GABRB2: variants seen among roughly 807,000 people sequenced by gnomAD.
The protein encoded by GABRB2 is gamma-aminobutyric acid receptor subunit beta-2.
Under a neutral mutation model 54.7 loss-of-function variants are expected in GABRB2, and 16 were observed. The observed-to-expected ratio is 0.29, with a 90% CI of 0.20 to 0.44. The LOEUF is 0.44. GABRB2 is among the 20% of genes least tolerant of loss of function. The pLI is 1.00. For missense variants in GABRB2, 355 were observed against 644.0 expected, an observed-to-expected ratio of 0.55 and a Z score of 4.86; for synonymous variants, 244 against 233.8, an observed-to-expected ratio of 1.04 and a Z score of -0.40.
At chr5:161,481,478 C>T (rs1313252681) in intron 3 of GABRB2, among the ~76,000 whole-genome samples, 1 of 151,980 alleles carries the variant, frequency 6.6e-6, no homozygotes, top group Non-Finnish European at 1.5e-5. Context: ...TTTCTGACTT[C>T]CCCAAAGTGA....
chr5:161,445,975 C>T (rs1757604287), intron 4 of GABRB2, among the ~76,000 whole-genome samples: 1 of 152,130 alleles, frequency 6.6e-6, no homozygotes, highest in African/African-American at 2.4e-5. Flanking sequence ...TTGACAAAAT[C>T]ATCAATACCA....
intron 3 of GABRB2, among the ~76,000 whole-genome samples, chr5:161,463,973 T>C (rs1758205014): frequency 1.3e-5 from 2 of 151,950 alleles, no homozygotes; most frequent in African/African-American, 4.8e-5. Context: ...TCGACTTAAG[T>C]GTAAAATGTA....
At position 161,438,563 on chromosome 5, in the gene GABRB2, A is replaced by ATTT. The variant is rs1757375052; in HGVS notation, c.458+21060_458+21061insAAA. On this transcript the variant is annotated intron_variant, in intron 4 of 9. Transcript: ENST00000393959. ...CCAAATGAATGAAATAAGTCACCAG[A>ATTT]CACCAATCCTGGAGAAAGAGAGATG... 5.3e-5 allele frequency among the ~76,000 whole-genome samples: 8 copies of ATTT among 152,154 alleles called. 1 individual carries two copies. Among genetic ancestry groups the ATTT allele is most frequent in the Admixed American group, 5.2e-4 (8 of 15,278 alleles).
chr5:161,314,651 A>T (rs1757971210), intron 9 of GABRB2, among the ~76,000 whole-genome samples: 1 of 152,112 alleles, frequency 6.6e-6, no homozygotes, highest in South Asian at 2.1e-4. Flanking sequence ...AAAGCTGTTC[A>T]TGGAAAACAG....
At chr5:161,534,467 A>G (rs909021056) in intron 3 of GABRB2, among the ~76,000 whole-genome samples, 2 of 152,192 alleles carry the variant, frequency 1.3e-5, no homozygotes, top group Admixed American at 1.3e-4. Flanking sequence ...TGAATATTTA[A>G]TCCTCTCGGG....
At chr5:161,394,627 G>A (rs935302507) in intron 5 of GABRB2, among the ~76,000 whole-genome samples, 1 of 151,998 alleles carries the variant, frequency 6.6e-6, no homozygotes, top group East Asian at 1.9e-4. Context: ...GAACTAAAAT[G>A]TACTAAACTA....
chr5:161,536,477 C>A (rs1445090290), intron 3 of GABRB2, among the ~76,000 whole-genome samples: 2 of 152,150 alleles, frequency 1.3e-5, no homozygotes, highest in Non-Finnish European at 2.9e-5. Flanking sequence ...ATTTTAACCT[C>A]CTCTGATTTC....
chr5:161,356,101 G>A (rs937688278), intron 5 of GABRB2, among the ~76,000 whole-genome samples: 2 of 152,064 alleles, frequency 1.3e-5, no homozygotes, highest in Non-Finnish European at 2.9e-5. Flanking sequence ...TAGAGCCAAT[G>A]ACATACACAT....
At chr5:161,456,556 C>T (rs1043488225) in intron 4 of GABRB2, among the ~76,000 whole-genome samples, 3 of 152,168 alleles carry the variant, frequency 2.0e-5, no homozygotes, top group Admixed American at 6.5e-5. Flanking sequence ...TGAAGATCAA[C>T]GTCTTTACCT....
intron 3 of GABRB2, among the ~76,000 whole-genome samples, chr5:161,518,073 G>C (rs1020675329): frequency 1.3e-5 from 2 of 152,158 alleles, no homozygotes; most frequent in Non-Finnish European, 2.9e-5. Context: ...CTCCCAAAGT[G>C]CTAGGATTAC....
At chr5:161,361,855 A>G (rs975090824) in intron 5 of GABRB2, among the ~76,000 whole-genome samples, 3 of 152,104 alleles carry the variant, frequency 2.0e-5, no homozygotes, top group Admixed American at 2.0e-4. Context: ...TTGCCCATAC[A>G]TACCTCCTGA....
chr5:161,475,082 G>A (rs1443431581), intron 3 of GABRB2, among the ~76,000 whole-genome samples: 1 of 151,886 alleles, frequency 6.6e-6, no homozygotes, highest in Non-Finnish European at 1.5e-5. Context: ...CAAGTTGGAG[G>A]GATGCTTGAG....
chr5:161,422,148 G>T (rs1756871902), intron 4 of GABRB2, among the ~76,000 whole-genome samples: 1 of 151,984 alleles, frequency 6.6e-6, no homozygotes, highest in Admixed American at 6.6e-5. Context: ...GCAAACATGT[G>T]TTCCTAAAAA....
At chr5:161,529,282 A>G (rs1467492599) in intron 3 of GABRB2, among the ~76,000 whole-genome samples, 1 of 151,968 alleles carries the variant, frequency 6.6e-6, no homozygotes, top group Non-Finnish European at 1.5e-5. Context: ...TTTACGTTCT[A>G]TTTGTTCGAT....
intron 5 of GABRB2, among the ~76,000 whole-genome samples, chr5:161,376,572 T>A (rs1294412533): frequency 6.6e-6 from 1 of 152,160 alleles, no homozygotes; most frequent in Non-Finnish European, 1.5e-5. Context: ...TGGTTTCATG[T>A]GCTGTTCATG....
At chr5:161,452,274 C>T (rs1757810657) in intron 4 of GABRB2, among the ~76,000 whole-genome samples, 1 of 152,062 alleles carries the variant, frequency 6.6e-6, no homozygotes. Flanking sequence ...GATGGAAGTG[C>T]TAAAAGGATA....
intron 4 of GABRB2, among the ~76,000 whole-genome samples, chr5:161,420,339 C>A (rs1165077533): frequency 6.6e-6 from 1 of 152,174 alleles, no homozygotes; most frequent in Non-Finnish European, 1.5e-5. Flanking sequence ...TTATTTTTCA[C>A]CCTTGCAAAT....
intron 3 of GABRB2, among the ~76,000 whole-genome samples, chr5:161,478,310 C>T (rs1031242297): frequency 6.6e-6 from 1 of 151,996 alleles, no homozygotes; most frequent in African/African-American, 2.4e-5. Context: ...TTAAACCTCA[C>T]CTTGAATTAC....
chr5:161,485,058 C>G (rs72813580), intron 3 of GABRB2, among the ~76,000 whole-genome samples: 4 of 151,896 alleles, frequency 2.6e-5, no homozygotes, highest in Non-Finnish European at 5.9e-5. Flanking sequence ...TCTGTATGAC[C>G]GTTCCCTTCT....
Sources: allele counts gnomAD v4.1 joint callset (sites outside exome capture counted in the v4.1 genomes callset), GRCh38; gene constraint gnomAD v4.1.1; transcripts MANE v1.5; gene names NCBI Gene and HGNC (gene_info 2026-07-23, HGNC 2026-07-21).